Variants in NEBL observed in about 807,000 individuals in gnomAD.
The protein encoded by NEBL is LIM and SH3 protein 2.
Under a neutral mutation model 140.2 loss-of-function variants are expected in NEBL, and 122 were observed. The ratio of observed to expected loss-of-function variants is 0.87; its 90% CI spans 0.75 to 1.01. NEBL has a LOEUF of 1.01. NEBL is among the 50% of genes least tolerant of loss of function. The pLI, the probability that NEBL is intolerant of heterozygous loss-of-function variation, is 0.00. For synonymous variants in NEBL, 436 were observed against 398.9 expected, an observed-to-expected ratio of 1.09 and a Z score of -1.11; for missense variants, 1,365 against 1,231.3, an observed-to-expected ratio of 1.11 and a Z score of -1.62.
chr10:20,787,263 T>A lies in NEBL; in HGVS notation c.2807A>T (p.Tyr936Phe). 6.2e-7 allele frequency: 1 copy of A among 1,613,620 alleles called. No individual in the cohort carries two copies. Among genetic ancestry groups the A allele is most frequent in the Non-Finnish European group, 8.5e-7 (1 of 1,179,740 alleles). Residue 936 changes from tyrosine (Y) to phenylalanine (F), a missense_variant, in exon 27 of 28, where the codon TAT becomes TTT. Coordinates refer to ENST00000377122, the MANE Select transcript of NEBL (RefSeq NM_006393.3). The part of the protein sequence containing the change: ...GAYQQSHSQG[Y>F]GYMHQTSVSS... Reference sequence around the variant, plus strand: ...CACACTGGTCTGGTGCATGTAGCCATAGCCTTGGGAATGGCTTTGCTGATA... The same window carrying A: ...CACACTGGTCTGGTGCATGTAGCCAAAGCCTTGGGAATGGCTTTGCTGATA...
intron 2 of NEBL, among the ~76,000 whole-genome samples, chr10:21,138,920 T>G (rs1839485770): frequency 6.6e-6 from 1 of 151,958 alleles, no homozygotes; most frequent in Non-Finnish European, 1.5e-5. Flanking sequence ...CAAAATTAAA[T>G]TAAATTACCA....
chr10:21,279,118 G>A (rs1244987431), intron 1 of NEBL, among the ~76,000 whole-genome samples: 1 of 152,050 alleles, frequency 6.6e-6, no homozygotes, highest in Admixed American at 6.6e-5. Flanking sequence ...ACATCATACC[G>A]TCTCTGTTGC....
intron 2 of NEBL, among the ~76,000 whole-genome samples, chr10:21,089,440 C>G (rs1395851733): frequency 6.6e-6 from 1 of 152,058 alleles, no homozygotes; most frequent in Non-Finnish European, 1.5e-5. Flanking sequence ...GGATTTCCAT[C>G]AGAGCTTGGA....
intron 3 of NEBL, among the ~76,000 whole-genome samples, chr10:21,208,219 T>C (rs533458329): frequency 6.6e-6 from 1 of 152,230 alleles, no homozygotes; most frequent in African/African-American, 2.4e-5. Flanking sequence ...AGAAATTGCA[T>C]TCTTTGATGA....
At chr10:20,936,189 T>C (rs1834474445) in intron 4 of NEBL, among the ~76,000 whole-genome samples, 1 of 152,252 alleles carries the variant, frequency 6.6e-6, no homozygotes. Context: ...TTTACTCATA[T>C]TCTAAGAGCT....
In NEBL at chr10:20,817,633, C is replaced by T. The variant is rs777422811; in HGVS notation, c.2115G>A (p.Lys705=). ...TGTTTTTCTGGTTTTCTTTTGCCCT[C>T]TTCAGCTCTGGTGGATCAGAAATTG... ...GTAISDPPEL[K]RAKENQKNIS... Residue 705 remains lysine, a synonymous_variant, in exon 21 of 28, where the codon AAG becomes AAA. Coordinates refer to ENST00000377122, the MANE Select transcript of NEBL (RefSeq NM_006393.3). 1.9e-6 allele frequency: 3 copies of T among 1,614,020 alleles called. No individual in the cohort carries two copies. Among genetic ancestry groups the T allele is most frequent in the Middle Eastern group, 1.6e-4 (1 of 6,062 alleles).
intron 1 of NEBL, among the ~76,000 whole-genome samples, chr10:21,262,372 A>G (rs1051148754): frequency 6.6e-6 from 1 of 152,208 alleles, no homozygotes; most frequent in African/African-American, 2.4e-5. Flanking sequence ...TTAGAAGGGA[A>G]GGTGCTCTCT....
intron 2 of NEBL, among the ~76,000 whole-genome samples, chr10:21,157,661 A>C (rs1204248821): frequency 6.6e-6 from 1 of 152,234 alleles, no homozygotes; most frequent in Non-Finnish European, 1.5e-5. Flanking sequence ...CTAGCATCAA[A>C]AACACAGTTA....
At chr10:20,882,110 C>T (rs187379809) in intron 4 of NEBL, among the ~76,000 whole-genome samples, 20 of 151,648 alleles carry the variant, frequency 1.3e-4, no homozygotes, top group Admixed American at 3.9e-4. Flanking sequence ...CCCAGGAGGT[C>T]GAGGCTGCAG....
At chr10:21,110,678 C>T in intron 2 of NEBL, 1 of 466,640 alleles carries the variant, frequency 2.1e-6, no homozygotes, top group Admixed American at 2.4e-5. Context: ...TATGCCACCA[C>T]CCCATGGAAG....
At chr10:21,010,469 G>T (rs1373151851) in intron 3 of NEBL, among the ~76,000 whole-genome samples, 1 of 150,620 alleles carries the variant, frequency 6.6e-6, no homozygotes, top group East Asian at 1.9e-4. Context: ...GCCCAGCCTG[G>T]TCTCAAACTC....
intron 14 of NEBL, among the ~76,000 whole-genome samples, chr10:20,834,123 T>C (rs931948180): frequency 2.0e-5 from 3 of 152,108 alleles, no homozygotes; most frequent in Non-Finnish European, 2.9e-5. Flanking sequence ...AATTTTTCTA[T>C]AAGAATGAGG....
chr10:21,280,164 A>G (rs1294876394), intron 1 of NEBL, among the ~76,000 whole-genome samples: 1 of 152,140 alleles, frequency 6.6e-6, no homozygotes, highest in Non-Finnish European at 1.5e-5. Flanking sequence ...CAGTCCAAGC[A>G]TAAATCCCCG....
At chr10:21,098,036 G>T (rs914983833) in intron 2 of NEBL, among the ~76,000 whole-genome samples, 3 of 152,132 alleles carry the variant, frequency 2.0e-5, no homozygotes, top group Non-Finnish European at 4.4e-5. Context: ...GCTAAGTGCT[G>T]ATAACAACAA....
chr10:21,290,802 C>G (rs565234034), intron 1 of NEBL, among the ~76,000 whole-genome samples: 67 of 152,312 alleles, frequency 4.4e-4, no homozygotes, highest in African/African-American at 1.5e-3. Flanking sequence ...AGTACCTACA[C>G]CCCCCATTTC....
At chr10:20,943,916 T>C (rs1318447029) in intron 4 of NEBL, among the ~76,000 whole-genome samples, 1 of 152,186 alleles carries the variant, frequency 6.6e-6, no homozygotes, top group African/African-American at 2.4e-5. Flanking sequence ...ATCTCTTGGG[T>C]CGTCTGTATC....
rs542689973 is a variant in NEBL at position 21,291,450 on chromosome 10, G to A, written n.182+1380C>T. Among the ~76,000 whole-genome samples, 8 of 151,036 alleles carry A rather than the reference G, an allele frequency of 5.3e-5. No individual in the cohort carries two copies. The East Asian group carries it at 1.4e-3, about 26-fold the overall frequency. On this transcript the variant is annotated intron_variant and non_coding_transcript_variant, in intron 1 of 8. Transcript: ENST00000675702. ...GAACCCAGGAGGCAGGAGTTGCAGT[G>A]AGCCCATATCACACCACTGCACTCC...
intron 2 of NEBL, among the ~76,000 whole-genome samples, chr10:21,048,060 T>C (rs1199315714): frequency 6.6e-6 from 1 of 152,144 alleles, no homozygotes; most frequent in Non-Finnish European, 1.5e-5. Context: ...CACATTGCAA[T>C]GCAAAGTGAG....
rs182341498 is a variant in NEBL, at chr10:20,824,640, C to A, written c.1870-1340G>T. 4.6e-5 allele frequency among the ~76,000 whole-genome samples: 7 copies of A among 152,246 alleles called. No individual in the cohort carries two copies. In the East Asian group the frequency reaches 7.7e-4, roughly 17 times the overall value. On this transcript the variant is annotated intron_variant, in intron 18 of 27. Coordinates refer to ENST00000377122, the MANE Select transcript of NEBL (RefSeq NM_006393.3). ...TTGAATACTAAGCAGGAGTTTATGG[C>A]CCAACCTCATGCAGATACAGAACTA...
Sources: gnomAD v4.1 joint callset for allele counts (sites outside exome capture counted in the v4.1 genomes callset) on GRCh38, gnomAD v4.1.1 for gene constraint, MANE v1.5 for transcripts, NCBI Gene and HGNC (gene_info 2026-07-23, HGNC 2026-07-21) for gene names.